Variants in COL12A1 observed in about 807,000 individuals in gnomAD.
The protein encoded by COL12A1 is collagen type XII alpha 1 chain.
COL12A1 carries 114 observed loss-of-function variants against 349.7 expected under a neutral mutation model. The ratio of observed to expected loss-of-function variants is 0.33; its 90% CI spans 0.28 to 0.38. The LOEUF (loss-of-function observed/expected upper bound fraction) is 0.38. Among genes scored for constraint, COL12A1 ranks in the 10% least tolerant of loss-of-function variants. The pLI is 1.00. For synonymous variants in COL12A1, 1,369 were observed against 1,329.0 expected (o/e 1.03, Z -0.66); for missense variants, 3,284 against 3,756.9 (o/e 0.87, Z 3.29).
At chr6:75,191,145 G>A (rs570044583) in intron 5 of COL12A1, among the ~76,000 whole-genome samples, 2 of 152,014 alleles carry the variant, frequency 1.3e-5, no homozygotes, top group East Asian at 3.9e-4. Context: ...GATTACAAAT[G>A]CACCAATTTA....
chr6:75,089,476 T>C (rs1006363221), intron 63 of COL12A1, among the ~76,000 whole-genome samples: 2 of 152,164 alleles, frequency 1.3e-5, no homozygotes, highest in African/African-American at 4.8e-5. Flanking sequence ...TGTTATAATA[T>C]CTCATTGAAA....
At chr6:75,140,852 T>G (rs1441601694) in intron 27 of COL12A1, among the ~76,000 whole-genome samples, 1 of 152,058 alleles carries the variant, frequency 6.6e-6, no homozygotes, top group Non-Finnish European at 1.5e-5. Context: ...TGCTTAAATT[T>G]CTAGACCTGT....
At chr6:75,110,538 A>G (rs1199042990) in intron 51 of COL12A1, among the ~76,000 whole-genome samples, 2 of 151,926 alleles carry the variant, frequency 1.3e-5, no homozygotes, top group Admixed American at 1.3e-4. Flanking sequence ...TTGGTCCCAG[A>G]CCAGTAGAAA....
intron 27 of COL12A1, among the ~76,000 whole-genome samples, chr6:75,141,731 A>C (rs1766900446): frequency 6.6e-6 from 1 of 152,238 alleles, no homozygotes; most frequent in Non-Finnish European, 1.5e-5. Flanking sequence ...ATACGTCAAG[A>C]AAACTTGCCC....
intron 42 of COL12A1, among the ~76,000 whole-genome samples, chr6:75,123,653 G>A (rs573515837): frequency 7.9e-5 from 12 of 152,032 alleles, no homozygotes; most frequent in Non-Finnish European, 1.5e-4. Flanking sequence ...CTTCAGATAG[G>A]GTCAAATGAG....
In COL12A1 at chr6:75,113,213, A is replaced by G; in HGVS notation, c.7941T>C (p.Ser2647=). 6.5e-6 allele frequency: 10 copies of G among 1,536,146 alleles called. No individual in the cohort carries two copies. Among genetic ancestry groups the G allele is most frequent in the Non-Finnish European group, 7.0e-6 (8 of 1,140,410 alleles). The change falls in exon 51 of 66, where the codon AGT becomes AGC. Residue 2647 remains serine, a synonymous_variant. Transcript: ENST00000322507. ...AATCTTATGTTTTTACCTTGTGAAA[A>G]CTTCCATAAAATAATGTCTTTACTT... ...TEEVKTLFYG[S]FHKVHIVVTS...
chr6:75,122,499 T>C (rs1765793585), intron 43 of COL12A1, among the ~76,000 whole-genome samples: 1 of 152,118 alleles, frequency 6.6e-6, no homozygotes, highest in Non-Finnish European at 1.5e-5. Flanking sequence ...CTAAAACTAC[T>C]CTAGAAAATA....
rs1473988545 is a variant in COL12A1, at chr6:75,152,202, G to A, written c.3764C>T (p.Ala1255Val). The change falls in exon 19 of 66, where the codon GCA (alanine) becomes GTA (valine). Residue 1255 changes from alanine (A) to valine (V), a missense_variant. This residue lies in a region of COL12A1 where 2,601 missense variants were observed against 2,824.8 expected (regional missense o/e 0.92). Transcript: ENST00000322507. ...CAACAAGCTCTTCTTGTCTCTGTGT[G>A]CATTTAACTGCCACTCTGTTCTGGG... ...GDPRTEWQLN[A>V]HRDKKSLLQA... The A allele has an allele frequency of 6.8e-6, 11 of 1,613,614 alleles. No homozygotes were observed. The highest frequency in any genetic ancestry group is 2.2e-5 in the East Asian group (1 of 44,862).
At position 75,181,095 on chromosome 6, in the gene COL12A1, C is replaced by T. The variant is rs1769255982; in HGVS notation, c.2008G>A (p.Ala670Thr). The change falls in exon 11 of 66, where the codon GCT becomes ACT. Residue 670 changes from alanine (A) to threonine (T), a missense_variant. Transcript: ENST00000322507. ...FSYHITYKEA[A>T]GDDEVTVVEP... is the part of the protein sequence containing the mutation. ...ACCACAGTGACCTCATCATCCCCAG[C>T]CGCTTCCTTGTAGGTGATGTGATAT... 2 of 1,613,940 alleles carry T rather than the reference C, an allele frequency of 1.2e-6. No individual in the cohort carries two copies. The highest frequency in any genetic ancestry group is 8.5e-7 in the Non-Finnish European group (1 of 1,179,998).
chr6:75,145,797 A>C (rs1256109311), intron 24 of COL12A1, among the ~76,000 whole-genome samples: 2 of 151,590 alleles, frequency 1.3e-5, no homozygotes, highest in Non-Finnish European at 2.9e-5. Flanking sequence ...ACACCCGACT[A>C]ATTTTTGTAT....
At chr6:75,165,462 G>T (rs200143588) in intron 14 of COL12A1, 45 bp downstream of exon 14, 11 of 1,592,876 alleles carry the variant, frequency 6.9e-6, no homozygotes, top group African/African-American at 1.3e-5. Context: ...GATAACTATT[G>T]GGTAGCACCG....
rs1165909152 is a variant in COL12A1 at position 75,130,162 on chromosome 6, G to C, written c.6139C>G (p.His2047Asp). Residue 2047 changes from histidine to aspartate, a missense_variant, in exon 37 of 66, where the codon CAT (histidine) becomes GAT (aspartate). His to Asp is a moderately conservative substitution (Grantham distance 81, BLOSUM62 -1). This residue lies in a region of COL12A1 where 2,601 missense variants were observed against 2,824.8 expected (regional missense o/e 0.92). Coordinates refer to ENST00000322507, the MANE Select transcript of COL12A1 (RefSeq NM_004370.6). ...TACTGCTGAACTGGCCCATCAGCAT[G>C]ATCCCAGGCTACCGAGAGGCTATTG... ...TTNSLSVAWD[H>D]ADGPVQQYRI... The C allele has an allele frequency of 6.2e-7, 1 of 1,614,074 alleles. No homozygotes were observed. The highest frequency in any genetic ancestry group is 1.1e-5 in the South Asian group (1 of 91,068).
chr6:75,166,723 T>A (rs1312916222), intron 13 of COL12A1, among the ~76,000 whole-genome samples: 1 of 152,188 alleles, frequency 6.6e-6, no homozygotes, highest in Non-Finnish European at 1.5e-5. Flanking sequence ...GCAAATGATA[T>A]ATAATGCTCT....
At chr6:75,146,319 A>T (rs1767193068) in intron 23 of COL12A1, 75 bp from the exon 24 acceptor site, 1 of 1,429,544 alleles carries the variant, frequency 7.0e-7, no homozygotes, top group African/African-American at 1.4e-5. Flanking sequence ...TTTTGTACTC[A>T]ATTATTGATA....
At chr6:75,103,360 CA>C (rs113087391) in intron 55 of COL12A1, among the ~76,000 whole-genome samples, 1,821 of 152,290 alleles carry the variant, frequency 0.012, 36 homozygotes, top group African/African-American at 0.04. Flanking sequence ...CTTGTGAGCA[CA>C]TACGCAGCCA....
At chr6:75,181,925 A>T (rs1769324384) in intron 10 of COL12A1, among the ~76,000 whole-genome samples, 1 of 150,104 alleles carries the variant, frequency 6.7e-6, no homozygotes, top group South Asian at 2.1e-4. Flanking sequence ...CCCCGTCTCT[A>T]CCAAAAAAAA....
At chr6:75,125,042 G>A in intron 40 of COL12A1, 85 bp downstream of exon 40, 1 of 1,357,900 alleles carries the variant, frequency 7.4e-7, no homozygotes, top group Non-Finnish European at 9.8e-7. Flanking sequence ...ACATGTATAT[G>A]TTCAGAAACA....
intron 1 of COL12A1, 61 bp from the exon 2 acceptor site, chr6:75,202,888 G>T: frequency 8.6e-7 from 1 of 1,160,336 alleles, no homozygotes; most frequent in Non-Finnish European, 1.2e-6. Context: ...AACCAGGTTA[G>T]AACTGGAGCC....
chr6:75,162,330 G>C (rs1025922764), intron 14 of COL12A1, among the ~76,000 whole-genome samples: 5 of 152,252 alleles, frequency 3.3e-5, no homozygotes, highest in African/African-American at 1.2e-4. Context: ...CAATGGAACA[G>C]AACAGAGGCC....
Sources: gnomAD v4.1 joint callset for allele counts (sites outside exome capture counted in the v4.1 genomes callset) on GRCh38, gnomAD v4.1.1 for gene constraint, gnomAD v4.1.1 regional missense constraint, MANE v1.5 for transcripts, NCBI Gene and HGNC (gene_info 2026-07-23, HGNC 2026-07-21) for gene names.